The following UBL5 variants were observed in gnomAD, a reference collection of about 807,000 sequenced individuals.
UBL5 encodes the protein ubiquitin like 5.
A neutral mutation model predicts 11.7 loss-of-function variants in UBL5; 13 were observed. The observed-to-expected ratio is 1.11, with a 90% confidence interval of 0.73 to 1.77. The LOEUF is 1.77. Among genes scored for constraint, UBL5 ranks in the 40% most tolerant of loss-of-function variants. UBL5 has a pLI of 0.00. For missense variants in UBL5, 58 were observed against 92.3 expected (o/e 0.63, Z 1.52); for synonymous variants, 28 against 34.7 (o/e 0.81, Z 0.68).
intron 1 of UBL5, 25 bp downstream of exon 1, chr19:9,828,009 C>G (rs2046033431): frequency 2.2e-6 from 1 of 450,384 alleles, no homozygotes; most frequent in African/African-American, 2.0e-5. Flanking sequence ...CGGAGAGGCT[C>G]GGAGTCGGAG....
Position 9,827,930 on chromosome 19 carries a change from G to A in UBL5, c.-66G>A, listed in dbSNP as rs1024182560. On this transcript the variant is annotated 5_prime_UTR_variant, in exon 1 of 5. Transcript: ENST00000586895. The stretch of plus-strand genomic sequence containing the variant: ...GGTTCCTAGCGTTAACTGCGACCGG[G>A]GTTCAGCGCTCGGGTGAGGAGCTGG... 7.4e-6 allele frequency: 2 copies of A among 271,764 alleles called. No homozygotes were observed. Among genetic ancestry groups the A allele is most frequent in the African/African-American group, 4.5e-5 (2 of 44,734 alleles). The allele number at this position is 271,764 out of a possible 1,614,324, so 16.8% of individuals were successfully genotyped here.
intron 2 of UBL5, 83 bp downstream of exon 2, chr19:9,828,476 G>C (rs904207644): frequency 1.2e-6 from 2 of 1,609,522 alleles, no homozygotes; most frequent in African/African-American, 2.7e-5. Flanking sequence ...TTGTCGGATG[G>C]TTTTAGTTAA....
intron 4 of UBL5, 66 bp downstream of exon 4, chr19:9,828,940 A>G: frequency 4.0e-6 from 6 of 1,505,526 alleles, no homozygotes; most frequent in Non-Finnish European, 5.5e-6. Flanking sequence ...GTTCAAAACT[A>G]AAGTCTGCAT....
rs756758255 is a variant in UBL5, at chr19:9,829,963, A to G, written c.179-2A>G. 3.1e-6 allele frequency: 5 copies of G among 1,614,116 alleles called. No individual in the cohort carries two copies. The highest frequency in any genetic ancestry group is 2.5e-6 in the Non-Finnish European group (3 of 1,179,994). ...CAGGATTCCTTAACACCTTTCCTTC[A>G]GATGAAATCCACGATGGGATGAACC... is the stretch of plus-strand genomic sequence containing the variant. On this transcript the variant is annotated splice_acceptor_variant, in intron 4 of 4. Transcript: ENST00000586895. LOFTEE classifies it high-confidence loss of function.
intron 1 of UBL5, 79 bp from the exon 2 acceptor site, chr19:9,828,248 G>T (rs2046035453): frequency 2.9e-6 from 4 of 1,387,936 alleles, no homozygotes; most frequent in East Asian, 2.3e-5. Flanking sequence ...TGGGAGACTT[G>T]TAGGCTGGGG....
chr19:9,828,982 A>G, intron 4 of UBL5, 108 bp downstream of exon 4: 1 of 1,087,500 alleles, frequency 9.2e-7, no homozygotes, highest in Non-Finnish European at 1.4e-6. Flanking sequence ...TTAACTTAAT[A>G]CGTGGCACAT....
Position 9,827,959 on chromosome 19 carries a change from C to T in UBL5, c.-37C>T, listed in dbSNP as rs1255591767. The T allele has an allele frequency of 1.5e-5, 5 of 324,246 alleles. No homozygotes were observed. The highest frequency in any genetic ancestry group is 4.6e-5 in the Admixed American group (1 of 21,632). The allele number at this position is 324,246 out of a possible 1,614,324, so 20.1% of individuals were successfully genotyped here. A position where few individuals can be genotyped will look rare whatever the true frequency, so the allele number is the denominator to read the frequency against. On this transcript the variant is annotated 5_prime_UTR_variant, in exon 1 of 5. Transcript: ENST00000586895. ...CAGCGCTCGGGTGAGGAGCTGGTGG[C>T]GTCGGCAGGTTCGAGGCGATTCGAG...
chr19:9,830,035 C>T lies in UBL5; in HGVS notation c.*27C>T. On this transcript the variant is annotated 3_prime_UTR_variant, in exon 5 of 5. Coordinates refer to ENST00000586895, the MANE Select transcript of UBL5 (RefSeq NM_001048241.3). ...TGAGAATCCTCATCTTCCTGCCCCG[C>T]TTTCCTCTCCCATCCTCATCCCCCA... The T allele has an allele frequency of 6.2e-7, 1 of 1,613,496 alleles. No individual in the cohort carries two copies. The highest frequency in any genetic ancestry group is 8.5e-7 in the Non-Finnish European group (1 of 1,179,606).
intron 4 of UBL5, 191 bp downstream of exon 4, chr19:9,829,065 C>T (rs751628804): frequency 1.1e-4 from 68 of 625,524 alleles, no homozygotes; most frequent in Non-Finnish European, 1.6e-4. Flanking sequence ...AATAGTTTGA[C>T]TTCAAGTTCA....
chr19:9,828,114 G>T lies in UBL5; in HGVS notation c.-12+130G>T, dbSNP rs2046034397. On this transcript the variant is annotated intron_variant, in intron 1 of 4. Transcript: ENST00000586895. ...GGGCTTTCAGGCGGCGAGAAGGGGC[G>T]GAGGCGCGGCTCCCCGGGGTTCGCG... 3 of 599,232 alleles carry T rather than the reference G, an allele frequency of 5.0e-6. No homozygotes were observed. The South Asian group carries it at 6.0e-5, about 12-fold the overall frequency. The allele number at this position is 599,232 out of a possible 1,614,324, so 37.1% of individuals were successfully genotyped here.
In UBL5 at chr19:9,829,160, A is replaced by G. The variant is rs536114479; in HGVS notation, c.178+286A>G. Reference sequence around the variant, plus strand: ...TCAGGCATATCTATTGTGCAAAAGGAGCAGAAACTTTTTACAATTTTTATT... The same window carrying G: ...TCAGGCATATCTATTGTGCAAAAGGGGCAGAAACTTTTTACAATTTTTATT... On this transcript the variant is annotated intron_variant, in intron 4 of 4. Coordinates refer to ENST00000586895, the MANE Select transcript of UBL5 (RefSeq NM_001048241.3). The G allele has an allele frequency of 1.7e-5, 7 of 421,518 alleles. No individual in the cohort carries two copies. In the Admixed American group the frequency reaches 2.4e-4, roughly 14 times the overall value. 26.1% of individuals were successfully genotyped at this position (421,518 alleles called of 1,614,324 possible). A position where few individuals can be genotyped will look rare whatever the true frequency, so the allele number is the denominator to read the frequency against.
chr19:9,829,492 GA>G (rs1209701688), intron 4 of UBL5: 2 of 157,126 alleles, frequency 1.3e-5, no homozygotes, highest in African/African-American at 5.1e-5. Flanking sequence ...AGAAGGAACA[GA>G]AACTTTTTTT....
Position 9,828,641 on chromosome 19 carries a change from G to A in UBL5, c.106G>A (p.Gly36Ser). Reference sequence around the variant, plus strand: ...TAAGAAGCTGATTGCAGCCCAAACTGGTACCCGTTGGAACAAGATTGTCCT... The same window carrying A: ...TAAGAAGCTGATTGCAGCCCAAACTAGTACCCGTTGGAACAAGATTGTCCT... ...DLKKLIAAQT[G>S]TRWNKIVLKK... Residue 36 changes from glycine (G) to serine (S), a missense_variant, in exon 3 of 5, where the codon GGT becomes AGT. Gly to Ser is a moderately conservative substitution (Grantham distance 56). Transcript: ENST00000586895. 1 of 1,614,214 alleles carries A rather than the reference G, an allele frequency of 6.2e-7. No individual in the cohort carries two copies. The highest frequency in any genetic ancestry group is 8.5e-7 in the Non-Finnish European group (1 of 1,180,042).
rs1228809605 is a variant in UBL5, at chr19:9,828,887, T to G, written c.178+13T>G. On this transcript the variant is annotated intron_variant, in intron 4 of 4. Coordinates refer to ENST00000586895, the MANE Select transcript of UBL5 (RefSeq NM_001048241.3). ...TCTCTGGGGGACTGTATCCTTTGTG[T>G]GACTTTTTGAGGAAGCATCTACATA... 6.2e-7 allele frequency: 1 copy of G among 1,614,102 alleles called. No individual in the cohort carries two copies. The highest frequency in any genetic ancestry group is 8.5e-7 in the Non-Finnish European group (1 of 1,179,912).
intron 4 of UBL5, 108 bp from the exon 5 acceptor site, chr19:9,829,857 C>A (rs1470760388): frequency 7.8e-7 from 1 of 1,278,394 alleles, no homozygotes; most frequent in Non-Finnish European, 1.1e-6. Flanking sequence ...CCAAAATGGG[C>A]TTCCTTAGCC....
intron 3 of UBL5, 22 bp downstream of exon 3, chr19:9,828,697 C>T (rs2046039299): frequency 1.2e-6 from 2 of 1,614,142 alleles, no homozygotes. Context: ...GGTAGAGCCA[C>T]TGGGTGGACT....
intron 4 of UBL5, chr19:9,829,554 G>A (rs1240333514): frequency 6.0e-6 from 1 of 166,858 alleles, no homozygotes; most frequent in African/African-American, 2.4e-5. Flanking sequence ...GGAGTGCAGT[G>A]GTACAATCTT....
chr19:9,828,780 G>C, intron 3 of UBL5, 57 bp from the exon 4 acceptor site: 1 of 1,611,420 alleles, frequency 6.2e-7, no homozygotes, highest in Non-Finnish European at 8.5e-7. Flanking sequence ...TACCTCATTT[G>C]GCCTACAGAC....
Position 9,828,368 on chromosome 19 carries a change from G to C in UBL5, c.31G>C (p.Gly11Arg), listed in dbSNP as rs776708888. 1 of 1,614,112 alleles carries C rather than the reference G, an allele frequency of 6.2e-7. No individual in the cohort carries two copies. Among genetic ancestry groups the C allele is most frequent in the Non-Finnish European group, 8.5e-7 (1 of 1,180,028 alleles). ...CGAGGTTGTTTGCAACGACCGTCTGGGGAAGAAGGTCCGCGTTAAATGCAA... is the reference window on the plus strand; with the variant it reads ...CGAGGTTGTTTGCAACGACCGTCTGCGGAAGAAGGTCCGCGTTAAATGCAA... MIEVVCNDRL[G>R]KKVRVKCNTD... The change falls in exon 2 of 5, where the codon GGG becomes CGG. Residue 11 changes from glycine to arginine, a missense_variant. Physicochemically the swap from Gly to Arg is moderately radical, Grantham distance 125. Coordinates refer to ENST00000586895, the MANE Select transcript of UBL5 (RefSeq NM_001048241.3).
Sources: gnomAD v4.1 joint callset for allele counts on GRCh38, gnomAD v4.1.1 for gene constraint, MANE v1.5 for transcripts, NCBI Gene and HGNC (gene_info 2026-07-23, HGNC 2026-07-21) for gene names.